The following AK9 variants were observed in gnomAD, a reference collection of about 807,000 sequenced individuals.
AK9 encodes adenylate kinase 9.
Under a neutral mutation model 239.6 loss-of-function variants are expected in AK9, and 191 were observed. The observed-to-expected ratio is 0.80, with a 90% CI of 0.71 to 0.90. AK9 has a LOEUF of 0.90. AK9 is among the 40% of genes least tolerant of loss of function. AK9 has a pLI of 0.00. For missense variants in AK9, 1,995 were observed against 2,214.7 expected (o/e 0.90, Z 1.99); for synonymous variants, 689 against 721.0 (o/e 0.96, Z 0.71).
rs534318466 is a variant in AK9 at position 109,636,073 on chromosome 6, G to A, written c.934-2750C>T. Among the ~76,000 whole-genome samples the A allele has an allele frequency of 2.6e-5, 4 of 152,270 alleles. No individual in the cohort carries two copies. In the South Asian group the frequency reaches 8.3e-4, roughly 32 times the overall value. ...GGCAGCAAGGTTAAGCAGAGTCACA[G>A]GTCTGATAGGCTGTACCGCTGAATT... On this transcript the variant is annotated intron_variant, in intron 10 of 40. Coordinates refer to ENST00000424296, the MANE Select transcript of AK9 (RefSeq NM_001145128.3).
Position 109,515,552 on chromosome 6 carries a change from T to C in AK9, c.4065+305A>G, listed in dbSNP as rs60971740. Among the ~76,000 whole-genome samples the C allele has an allele frequency of 8.0e-3, 1,219 of 152,274 alleles. 24 individuals carry two copies. Among genetic ancestry groups the C allele is most frequent in the African/African-American group, 0.026 (1,081 of 41,548 alleles). On this transcript the variant is annotated intron_variant, in intron 31 of 40. Transcript: ENST00000424296. The stretch of plus-strand genomic sequence containing the variant: ...CCTCAAGACAGTTGTTACAGATCAA[T>C]GGTAGTGTCAACATTATAATTCTTG...
intron 32 of AK9, among the ~76,000 whole-genome samples, chr6:109,512,980 C>G (rs1016668730): frequency 6.6e-6 from 1 of 152,160 alleles, no homozygotes; most frequent in African/African-American, 2.4e-5. Flanking sequence ...CCTCCCACCT[C>G]AGCCTCCTAA....
At chr6:109,596,370 G>T (rs911931134) in intron 17 of AK9, among the ~76,000 whole-genome samples, 64 of 152,208 alleles carry the variant, frequency 4.2e-4, no homozygotes, top group African/African-American at 1.5e-3. Context: ...GCCAGGTCAT[G>T]GAGTGGAGAA....
chr6:109,518,730 A>G (rs1779513831), intron 29 of AK9, among the ~76,000 whole-genome samples: 1 of 152,044 alleles, frequency 6.6e-6, no homozygotes, highest in Non-Finnish European at 1.5e-5. Context: ...TTTATTTTCT[A>G]CAACTTTAAA....
At chr6:109,525,652 GA>G (rs1179987477) in intron 29 of AK9, among the ~76,000 whole-genome samples, 2 of 152,134 alleles carry the variant, frequency 1.3e-5, no homozygotes, top group Non-Finnish European at 2.9e-5. Context: ...TGAAAAGTCA[GA>G]AAATAACAGA....
In AK9 at chr6:109,495,452, A is replaced by G; in HGVS notation, c.5316-12T>C. On this transcript the variant is annotated splice_polypyrimidine_tract_variant and intron_variant, in intron 38 of 40. Transcript: ENST00000424296. ...ATTTCAGTGGCGACCTAAGAACACAAAGTTCATTAGATGGATGCTCACAGT... is the reference window on the plus strand; with the variant it reads ...ATTTCAGTGGCGACCTAAGAACACAGAGTTCATTAGATGGATGCTCACAGT... The G allele has an allele frequency of 6.3e-7, 1 of 1,593,014 alleles. No individual in the cohort carries two copies. Among genetic ancestry groups the G allele is most frequent in the Non-Finnish European group, 8.6e-7 (1 of 1,162,772 alleles).
At chr6:109,600,404 A>T (rs1358152251) in intron 17 of AK9, among the ~76,000 whole-genome samples, 2 of 152,220 alleles carry the variant, frequency 1.3e-5, no homozygotes, top group Non-Finnish European at 1.5e-5. Context: ...ATATTGAACC[A>T]GCCTTGCATC....
Position 109,668,091 on chromosome 6 carries a change from T to A in AK9, c.331+3828A>T, listed in dbSNP as rs542066195. On this transcript the variant is annotated intron_variant, in intron 5 of 40. Coordinates refer to ENST00000424296, the MANE Select transcript of AK9 (RefSeq NM_001145128.3). Reference sequence around the variant, plus strand: ...TTTCCTGACTTTTTAATGATTGCCATTCTAACTGGTGTGAGATGATATCTC... The same window carrying A: ...TTTCCTGACTTTTTAATGATTGCCAATCTAACTGGTGTGAGATGATATCTC... Among the ~76,000 whole-genome samples, 503 of 152,330 alleles carry A rather than the reference T, an allele frequency of 3.3e-3. 4 individuals carry two copies. Among genetic ancestry groups the A allele is most frequent in the African/African-American group, 0.011 (458 of 41,566 alleles).
intron 10 of AK9, among the ~76,000 whole-genome samples, chr6:109,633,743 A>G (rs906452495): frequency 1.6e-4 from 24 of 152,208 alleles, no homozygotes; most frequent in African/African-American, 5.1e-4. Flanking sequence ...GCTTTCACAT[A>G]TACCTAAGAT....
intron 8 of AK9, among the ~76,000 whole-genome samples, chr6:109,649,086 A>C (rs1798531686): frequency 6.6e-6 from 1 of 152,190 alleles, no homozygotes; most frequent in Non-Finnish European, 1.5e-5. Context: ...TTGATGGGAC[A>C]TATCTCAAAA....
chr6:109,563,788 T>C lies in AK9; in HGVS notation c.2636-76A>G, dbSNP rs1046203271. On this transcript the variant is annotated intron_variant, in intron 23 of 40. Coordinates refer to ENST00000424296, the MANE Select transcript of AK9 (RefSeq NM_001145128.3). The stretch of plus-strand genomic sequence containing the variant: ...TTAGCATATTACTATAGTCAAATGT[T>C]GGGAAAATTGATTATTATTATTATT... 4 of 1,402,122 alleles carry C rather than the reference T, an allele frequency of 2.9e-6. No homozygotes were observed. In the African/African-American group the frequency reaches 5.8e-5, roughly 20 times the overall value. The allele number at this position is 1,402,122 out of a possible 1,614,324, so 86.9% of individuals were successfully genotyped here.
chr6:109,509,070 C>A, intron 33 of AK9, 109 bp downstream of exon 33: 1 of 1,136,630 alleles, frequency 8.8e-7, no homozygotes, highest in Non-Finnish European at 1.2e-6. Flanking sequence ...AAGTAGATCA[C>A]ACCCTTTATA....
chr6:109,558,957 T>C (rs1426790514), intron 24 of AK9, among the ~76,000 whole-genome samples: 1 of 151,428 alleles, frequency 6.6e-6, no homozygotes, highest in African/African-American at 2.4e-5. Context: ...GATCAAACGA[T>C]TTTCGTGTCT....
At chr6:109,648,705 A>C (rs1334461677) in intron 8 of AK9, among the ~76,000 whole-genome samples, 1 of 152,232 alleles carries the variant, frequency 6.6e-6, no homozygotes, top group African/African-American at 2.4e-5. Context: ...TATTCCAATC[A>C]ATAGAAAAAG....
intron 15 of AK9, 99 bp downstream of exon 15, chr6:109,614,084 A>G: frequency 8.1e-7 from 1 of 1,234,090 alleles, no homozygotes; most frequent in Non-Finnish European, 1.1e-6. Context: ...GAAGTTTCCA[A>G]TTTTGGGGGT....
At chr6:109,527,200 C>T (rs541662121) in intron 29 of AK9, among the ~76,000 whole-genome samples, 19 of 152,144 alleles carry the variant, frequency 1.2e-4, no homozygotes, top group South Asian at 2.1e-4. Flanking sequence ...CACAAGATGG[C>T]GACATTTCCC....
chr6:109,676,075 A>C (rs1384822026), intron 1 of AK9, among the ~76,000 whole-genome samples: 2 of 152,126 alleles, frequency 1.3e-5, no homozygotes, highest in Non-Finnish European at 2.9e-5. Flanking sequence ...AATATGTTGT[A>C]CATGCACATG....
chr6:109,586,556 C>T (rs932566956), intron 17 of AK9, among the ~76,000 whole-genome samples: 1 of 152,116 alleles, frequency 6.6e-6, no homozygotes, highest in African/African-American at 2.4e-5. Context: ...AACATGCTTC[C>T]AGGTGATAAT....
chr6:109,496,337 G>T (rs1220805709), intron 38 of AK9, among the ~76,000 whole-genome samples: 1 of 152,124 alleles, frequency 6.6e-6, no homozygotes, highest in Admixed American at 6.5e-5. Context: ...CTTGCCTCAG[G>T]TCCCTCGCCT....
Sources: allele counts gnomAD v4.1 joint callset (sites outside exome capture counted in the v4.1 genomes callset), GRCh38; gene constraint gnomAD v4.1.1; transcripts MANE v1.5; gene names NCBI Gene and HGNC (gene_info 2026-07-23, HGNC 2026-07-21).